JAKMIP2: variants seen among roughly 807,000 people sequenced by gnomAD.
JAKMIP2 encodes janus kinase and microtubule interacting protein 2.
JAKMIP2 carries 25 observed loss-of-function variants against 115.0 expected under a neutral mutation model. The ratio of observed to expected loss-of-function variants is 0.22; its 90% CI spans 0.16 to 0.30. JAKMIP2 has a LOEUF of 0.30. Ranked by LOEUF, JAKMIP2 falls within the 10% of genes least tolerant of loss-of-function variation. The pLI is 1.00. For missense variants in JAKMIP2, 642 were observed against 957.6 expected, an observed-to-expected ratio of 0.67 and a Z score of 4.35; for synonymous variants, 334 against 343.6, an observed-to-expected ratio of 0.97 and a Z score of 0.31.
intron 2 of JAKMIP2, among the ~76,000 whole-genome samples, chr5:147,665,095 T>C (rs1275506791): frequency 6.6e-6 from 1 of 152,194 alleles, no homozygotes; most frequent in Non-Finnish European, 1.5e-5. Context: ...CTAGAGTGAA[T>C]GGAAGTGGGC....
At chr5:147,769,997 C>T (rs1755291209) in intron 1 of JAKMIP2, among the ~76,000 whole-genome samples, 1 of 152,124 alleles carries the variant, frequency 6.6e-6, no homozygotes, top group Non-Finnish European at 1.5e-5. Flanking sequence ...TTCTCATAAA[C>T]TTACCACCTA....
At chr5:147,594,357 C>A in intron 21 of JAKMIP2, 1 of 392,316 alleles carries the variant, frequency 2.5e-6, no homozygotes. Flanking sequence ...CTTTTTGATA[C>A]AGGGTCTTGC....
chr5:147,685,276 A>T (rs946661005), intron 1 of JAKMIP2, among the ~76,000 whole-genome samples: 1 of 152,206 alleles, frequency 6.6e-6, no homozygotes, highest in African/African-American at 2.4e-5. Flanking sequence ...GATGATACCC[A>T]ACTCTCAGTA....
Position 147,591,656 on chromosome 5 carries a change from T to C in JAKMIP2, c.*51A>G. 6.3e-7 allele frequency: 1 copy of C among 1,595,626 alleles called. No homozygotes were observed. Among genetic ancestry groups the C allele is most frequent in the South Asian group, 1.1e-5 (1 of 88,352 alleles). On this transcript the variant is annotated 3_prime_UTR_variant, in exon 22 of 22. Transcript: ENST00000616793. Reference sequence around the variant, plus strand: ...TTTGAAGGTTTAGAAGCACTTGTCTTCCTGGGATCTTATCCATGTTTTCGG... The same window carrying C: ...TTTGAAGGTTTAGAAGCACTTGTCTCCCTGGGATCTTATCCATGTTTTCGG...
chr5:147,615,679 G>T, intron 19 of JAKMIP2, among the ~76,000 whole-genome samples: 1 of 152,110 alleles, frequency 6.6e-6, no homozygotes, highest in East Asian at 1.9e-4. Context: ...TTTTAAAAAT[G>T]CTATTTATTA....
At chr5:147,770,144 GACAAATCTT>G (rs1755295711) in intron 1 of JAKMIP2, among the ~76,000 whole-genome samples, 1 of 151,502 alleles carries the variant, frequency 6.6e-6, no homozygotes, top group African/African-American at 2.4e-5. Context: ...TTTTAACTTA[GACAAATCTT>G]ACATATTTTT....
chr5:147,734,989 T>C (rs958441694), intron 1 of JAKMIP2, among the ~76,000 whole-genome samples: 1 of 152,116 alleles, frequency 6.6e-6, no homozygotes, highest in African/African-American at 2.4e-5. Context: ...GGAAGCAGAG[T>C]AAATATCCTT....
At chr5:147,681,642 C>T (rs1017331103) in intron 1 of JAKMIP2, among the ~76,000 whole-genome samples, 6 of 152,098 alleles carry the variant, frequency 3.9e-5, no homozygotes, top group African/African-American at 1.4e-4. Context: ...CATACTTGCC[C>T]ACCCTAGGGG....
chr5:147,591,540 A>G lies in JAKMIP2; in HGVS notation c.*167T>C. On this transcript the variant is annotated 3_prime_UTR_variant, in exon 22 of 22. Coordinates refer to ENST00000616793, the MANE Select transcript of JAKMIP2 (RefSeq NM_001270941.2). ...AACTGTCAAGTAAGAAACCTTGAAT[A>G]ATGGCTTTAAAATACACAGTTGTAG... The G allele has an allele frequency of 1.3e-6, 1 of 755,004 alleles. No individual in the cohort carries two copies. Among genetic ancestry groups the G allele is most frequent in the Non-Finnish European group, 2.3e-6 (1 of 436,078 alleles). 46.8% of individuals were successfully genotyped at this position (755,004 alleles called of 1,614,324 possible). A position where few individuals can be genotyped will look rare whatever the true frequency, so the allele number is the denominator to read the frequency against.
intron 1 of JAKMIP2, among the ~76,000 whole-genome samples, chr5:147,740,613 T>C (rs1333579865): frequency 6.6e-6 from 1 of 152,188 alleles, no homozygotes; most frequent in East Asian, 1.9e-4. Context: ...AGAAGCAGTG[T>C]GGAGGGGTCT....
At chr5:147,690,538 A>ATT (rs1430555948) in intron 1 of JAKMIP2, among the ~76,000 whole-genome samples, 8 of 96,424 alleles carry the variant, frequency 8.3e-5, no homozygotes, top group Non-Finnish European at 1.3e-4. Flanking sequence ...AACTAAAGAG[A>ATT]TTATATATAT....
chr5:147,605,476 T>G (rs1271508970), intron 20 of JAKMIP2, among the ~76,000 whole-genome samples: 1 of 152,178 alleles, frequency 6.6e-6, no homozygotes, highest in African/African-American at 2.4e-5. Context: ...CCCAAAGTGC[T>G]GGGATTACAG....
At chr5:147,661,827 G>A (rs556470152) in intron 2 of JAKMIP2, 4 of 194,500 alleles carry the variant, frequency 2.1e-5, no homozygotes, top group Admixed American at 5.4e-5. Context: ...ATTGGTATAC[G>A]CCTTAAAATT....
At chr5:147,764,926 G>GAAAGAAAGAAAGAAAGAAAGAAAGAAA (rs1362134819) in intron 1 of JAKMIP2, among the ~76,000 whole-genome samples, 6 of 86,322 alleles carry the variant, frequency 7.0e-5, no homozygotes, top group African/African-American at 4.0e-4. Flanking sequence ...AAGAAAGAGA[G>GAAAGAAAGAAAGAAAGAAAGAAAGAAA]AGAGAGAGAG....
At chr5:147,720,225 G>A (rs1407642816) in intron 1 of JAKMIP2, among the ~76,000 whole-genome samples, 4 of 152,328 alleles carry the variant, frequency 2.6e-5, no homozygotes, top group South Asian at 4.1e-4. Flanking sequence ...TCTGCTGTTA[G>A]TCTGATGGGC....
intron 21 of JAKMIP2, among the ~76,000 whole-genome samples, chr5:147,601,248 A>G (rs1755678973): frequency 6.6e-6 from 1 of 152,120 alleles, no homozygotes; most frequent in African/African-American, 2.4e-5. Flanking sequence ...CTATTTCTCA[A>G]TTTATGGCAT....
At chr5:147,610,192 A>T (rs898388155) in intron 20 of JAKMIP2, among the ~76,000 whole-genome samples, 1 of 152,124 alleles carries the variant, frequency 6.6e-6, no homozygotes, top group African/African-American at 2.4e-5. Flanking sequence ...CAATTCGTCA[A>T]ACTAATTCTC....
In JAKMIP2 at chr5:147,587,536, G is replaced by A. The variant is rs1411196066; in HGVS notation, c.*4171C>T. The A allele has an allele frequency of 6.6e-6, 1 of 152,034 alleles. No homozygotes were observed. Among genetic ancestry groups the A allele is most frequent in the Admixed American group, 6.6e-5 (1 of 15,246 alleles). The allele number at this position is 152,034 out of a possible 1,614,324, so 9.4% of individuals were successfully genotyped here. A position where few individuals can be genotyped will look rare whatever the true frequency, so the allele number is the denominator to read the frequency against. On this transcript the variant is annotated 3_prime_UTR_variant, in exon 22 of 22. Coordinates refer to ENST00000616793, the MANE Select transcript of JAKMIP2 (RefSeq NM_001270941.2). ...TTCTATGCTGTCCATCTATCTTGAT[G>A]TAATATAACACAGATGATCCAATTA... is the stretch of plus-strand genomic sequence containing the variant.
At chr5:147,694,664 A>G (rs10074880) in intron 1 of JAKMIP2, among the ~76,000 whole-genome samples, 48,056 of 152,110 alleles carry the variant, frequency 0.32, 9,615 homozygotes, top group African/African-American at 0.55. Context: ...ATGTGCCTTC[A>G]TGTCACTTCT....
Sources: allele counts gnomAD v4.1 joint callset (sites outside exome capture counted in the v4.1 genomes callset), GRCh38; gene constraint gnomAD v4.1.1; transcripts MANE v1.5; gene names NCBI Gene and HGNC (gene_info 2026-07-23, HGNC 2026-07-21).